Variants in C19orf81 observed in about 807,000 individuals in gnomAD.
C19orf81 encodes the protein putative uncharacterized protein C19orf81.
Under a neutral mutation model 22.1 loss-of-function variants are expected in C19orf81, and 19 were observed. That is an observed-to-expected ratio of 0.86 (90% confidence interval 0.60 to 1.26). The LOEUF is 1.26. Ranked by LOEUF, C19orf81 falls within the 50% of genes most tolerant of loss-of-function variation. The probability of loss-of-function intolerance (pLI) is 0.00; values close to 1 mark genes in which losing one functional copy is unlikely to be tolerated. For missense variants in C19orf81, 287 were observed against 280.7 expected, an observed-to-expected ratio of 1.02 and a Z score of -0.16; for synonymous variants, 108 against 113.1, an observed-to-expected ratio of 0.95 and a Z score of 0.29.
At chr19:50,655,814 G>A (rs963402850) in intron 1 of C19orf81, among the ~76,000 whole-genome samples, 1 of 152,208 alleles carries the variant, frequency 6.6e-6, no homozygotes, top group African/African-American at 2.4e-5. Flanking sequence ...CCCCTGTTAG[G>A]CAGAGCCTAA....
chr19:50,649,701 C>T, intron 1 of C19orf81, 190 bp downstream of exon 1: 1 of 710,568 alleles, frequency 1.4e-6, no homozygotes, highest in Non-Finnish European at 2.5e-6. Context: ...TTCCCATGAG[C>T]CTCTGCAGTT....
chr19:50,658,198 C>A, intron 4 of C19orf81, 70 bp downstream of exon 4: 1 of 1,444,722 alleles, frequency 6.9e-7, no homozygotes, highest in Non-Finnish European at 9.2e-7. Flanking sequence ...CGGGTAAGAG[C>A]GTGGTTGGTT....
intron 1 of C19orf81, among the ~76,000 whole-genome samples, chr19:50,653,726 A>G (rs1395881035): frequency 6.9e-6 from 1 of 145,340 alleles, no homozygotes; most frequent in Non-Finnish European, 1.5e-5. Context: ...ACACACACAC[A>G]CACACACACA....
chr19:50,657,313 C>T (rs1048107444), intron 3 of C19orf81, among the ~76,000 whole-genome samples: 1 of 152,220 alleles, frequency 6.6e-6, no homozygotes, highest in Non-Finnish European at 1.5e-5. Context: ...AAGGGACTCT[C>T]CAGCCTCCCC....
At chr19:50,656,191 C>T in intron 2 of C19orf81, 35 bp from the exon 3 acceptor site, 1 of 1,536,144 alleles carries the variant, frequency 6.5e-7, no homozygotes, top group Non-Finnish European at 8.7e-7. Flanking sequence ...TGAACCCTGA[C>T]CTCAGAGGTC....
At chr19:50,649,911 C>T (rs1984841857) in intron 1 of C19orf81, 3 of 449,070 alleles carry the variant, frequency 6.7e-6, no homozygotes, top group Non-Finnish European at 1.3e-5. Flanking sequence ...GTCACTGGTG[C>T]CATCCTTCCA....
intron 4 of C19orf81, chr19:50,658,744 G>A (rs1985062749): frequency 2.3e-6 from 1 of 437,706 alleles, no homozygotes; most frequent in African/African-American, 2.0e-5. Flanking sequence ...TGATTAGGAC[G>A]CAGAACCAGG....
intron 1 of C19orf81, among the ~76,000 whole-genome samples, chr19:50,653,769 G>C (rs755505650): frequency 6.8e-6 from 1 of 147,806 alleles, no homozygotes; most frequent in East Asian, 2.0e-4. Context: ...GTGTTAGCAA[G>C]GACTTATTGT....
intron 4 of C19orf81, chr19:50,658,578 C>T: frequency 4.0e-6 from 1 of 252,054 alleles, no homozygotes; most frequent in Non-Finnish European, 7.6e-6. Context: ...GGAAAGGCAG[C>T]TGTGAGGGGG....
At chr19:50,652,521 C>T (rs942701023) in intron 1 of C19orf81, among the ~76,000 whole-genome samples, 3 of 152,110 alleles carry the variant, frequency 2.0e-5, no homozygotes, top group African/African-American at 4.8e-5. Context: ...GAGAGATCCA[C>T]GCAGAGTTAC....
In C19orf81 at chr19:50,659,221, GGC is replaced by G. The variant is rs917586548; in HGVS notation, c.*81_*82del. The stretch of plus-strand genomic sequence containing the variant: ...CCACCCGGAGCCCCGGAGGACAGGG[GGC>G]GTTGCCTTCCCAGGAAGGAGGCGGG... On this transcript the variant is annotated 3_prime_UTR_variant, in exon 5 of 5. Transcript: ENST00000425202. The G allele has an allele frequency of 9.2e-5, 110 of 1,196,596 alleles. 1 individual carries two copies. The highest frequency in any genetic ancestry group is 6.3e-4 in the Middle Eastern group (2 of 3,166). The allele number at this position is 1,196,596 out of a possible 1,614,324, so 74.1% of individuals were successfully genotyped here. A position where few individuals can be genotyped will look rare whatever the true frequency, so the allele number is the denominator to read the frequency against.
chr19:50,649,840 C>T (rs764573489), intron 1 of C19orf81: 1 of 493,538 alleles, frequency 2.0e-6, no homozygotes, highest in Non-Finnish European at 4.0e-6. Flanking sequence ...TCAGCATCTT[C>T]CCCCAAAGCT....
intron 3 of C19orf81, among the ~76,000 whole-genome samples, chr19:50,656,967 A>G (rs1985008351): frequency 7.6e-6 from 1 of 131,996 alleles, no homozygotes; most frequent in African/African-American, 3.5e-5. Flanking sequence ...AAAGGAAGGA[A>G]GAAAGAAAGA....
rs1013904818 is a variant in C19orf81, at chr19:50,658,164, G to A, written c.401+36G>A. On this transcript the variant is annotated intron_variant, in intron 4 of 4. Coordinates refer to ENST00000425202, the MANE Select transcript of C19orf81 (RefSeq NM_001195076.2). Reference sequence around the variant, plus strand: ...GGCGGGGGCGGGGCCTGGAGCGAGCGGGAGGGGCGGGGCCCGGGGCGACCG... The same window carrying A: ...GGCGGGGGCGGGGCCTGGAGCGAGCAGGAGGGGCGGGGCCCGGGGCGACCG... 12 of 1,511,618 alleles carry A rather than the reference G, an allele frequency of 7.9e-6. No individual in the cohort carries two copies. In the African/African-American group the frequency reaches 1.5e-4, roughly 19 times the overall value. The allele number at this position is 1,511,618 out of a possible 1,614,324, so 93.6% of individuals were successfully genotyped here.
chr19:50,657,831 C>T (rs10404821), intron 3 of C19orf81, among the ~76,000 whole-genome samples, 158 bp from the exon 4 acceptor site: 1 of 152,000 alleles, frequency 6.6e-6, no homozygotes, highest in Non-Finnish European at 1.5e-5. Context: ...CTCCTTTGAC[C>T]ATAGCGACAG....
At chr19:50,652,687 A>AGGACTTT (rs374753911) in intron 1 of C19orf81, among the ~76,000 whole-genome samples, 81 of 152,288 alleles carry the variant, frequency 5.3e-4, no homozygotes, top group Middle Eastern at 6.8e-3. Flanking sequence ...GGTCACTGGA[A>AGGACTTT]GGACTTTGGA....
intron 1 of C19orf81, among the ~76,000 whole-genome samples, chr19:50,651,083 G>A (rs1984869323): frequency 1.3e-5 from 2 of 152,200 alleles, no homozygotes; most frequent in Admixed American, 1.3e-4. Context: ...CCATTAGAAA[G>A]CCCCTGGGTC....
chr19:50,657,259 G>C (rs1293774447), intron 3 of C19orf81, among the ~76,000 whole-genome samples: 1 of 152,136 alleles, frequency 6.6e-6, no homozygotes, highest in African/African-American at 2.4e-5. Context: ...TCGTTTTAGG[G>C]ATCAGTCTCC....
intron 1 of C19orf81, among the ~76,000 whole-genome samples, chr19:50,651,982 T>A (rs527851681): frequency 1.6e-4 from 24 of 152,310 alleles, no homozygotes; most frequent in African/African-American, 5.1e-4. Flanking sequence ...GGCTATTTTT[T>A]AAAATTAATT....
Sources: allele counts gnomAD v4.1 joint callset (sites outside exome capture counted in the v4.1 genomes callset), GRCh38; gene constraint gnomAD v4.1.1; transcripts MANE v1.5; gene names NCBI Gene and HGNC (gene_info 2026-07-23, HGNC 2026-07-21).